DUSP26: variants seen among roughly 807,000 people sequenced by gnomAD.
DUSP26 encodes dual specificity protein phosphatase 26.
DUSP26 carries 12 observed loss-of-function variants against 20.0 expected under a neutral mutation model. The ratio of observed to expected loss-of-function variants is 0.60; its 90% CI spans 0.38 to 0.97. The LOEUF (loss-of-function observed/expected upper bound fraction) is 0.97, where lower values mean the gene tolerates loss of function less well. Ranked by LOEUF, DUSP26 falls within the 50% of genes least tolerant of loss-of-function variation. The pLI, the probability that DUSP26 is intolerant of heterozygous loss-of-function variation, is 0.00. For missense variants in DUSP26, 230 were observed against 294.0 expected, an observed-to-expected ratio of 0.78 and a Z score of 1.59; for synonymous variants, 120 against 118.8, an observed-to-expected ratio of 1.01 and a Z score of -0.06.
At chr8:33,595,483 G>A (rs1811121805) in intron 2 of DUSP26, among the ~76,000 whole-genome samples, 1 of 151,576 alleles carries the variant, frequency 6.6e-6, no homozygotes, top group South Asian at 2.1e-4. Flanking sequence ...CCGGGTTCAA[G>A]CAATTCTCTG....
chr8:33,593,802 C>T, intron 2 of DUSP26, 55 bp from the exon 3 acceptor site: 1 of 1,585,164 alleles, frequency 6.3e-7, no homozygotes, highest in East Asian at 2.3e-5. Flanking sequence ...TTGGGGAAGA[C>T]TCCCTTGTCT....
At chr8:33,595,358 TTTGTTG>T (rs1554536718) in intron 2 of DUSP26, among the ~76,000 whole-genome samples, 2 of 151,048 alleles carry the variant, frequency 1.3e-5, no homozygotes, top group African/African-American at 2.4e-5. Flanking sequence ...TGTGTTTTTT[TTTGTTG>T]TTGTTGTTGT....
intron 1 of DUSP26, among the ~76,000 whole-genome samples, chr8:33,598,589 C>T (rs979702944): frequency 9.2e-5 from 14 of 152,030 alleles, no homozygotes; most frequent in African/African-American, 1.4e-4. Flanking sequence ...AATTACCAAC[C>T]GTATGGCTGT....
chr8:33,597,262 C>T (rs747239034), intron 2 of DUSP26, 33 bp downstream of exon 2: 2 of 1,570,230 alleles, frequency 1.3e-6, no homozygotes, highest in South Asian at 2.3e-5. Context: ...CACACACACG[C>T]TCTACCGTGG....
At chr8:33,596,466 C>T (rs1028872617) in intron 2 of DUSP26, among the ~76,000 whole-genome samples, 1 of 151,846 alleles carries the variant, frequency 6.6e-6, no homozygotes, top group Non-Finnish European at 1.5e-5. Flanking sequence ...CCTGTAGTCC[C>T]AGCTACTCTG....
intron 2 of DUSP26, 26 bp downstream of exon 2, chr8:33,597,269 G>A (rs117959564): frequency 1.1e-5 from 18 of 1,586,100 alleles, no homozygotes; most frequent in East Asian, 9.1e-5. Context: ...ACGCTCTACC[G>A]TGGGCCCAGT....
rs1811175469 is a variant in DUSP26 at position 33,597,440 on chromosome 8, C to T, written c.76G>A (p.Val26Ile). Residue 26 changes from valine (V) to isoleucine (I), a missense_variant, in exon 2 of 4, where the codon GTT (valine) becomes ATT (isoleucine). Val to Ile is a conservative substitution (Grantham distance 29, BLOSUM62 3). Transcript: ENST00000256261. ...RFSRSSSRSPVRTRGTLEEMP... is the reference protein window; with the variant it reads ...RFSRSSSRSPIRTRGTLEEMP... ...TCCTCCAGGGTCCCTCGAGTTCGAA[C>T]AGGAGACCTTGAGCTACTCCGGGAG... The T allele has an allele frequency of 6.2e-7, 1 of 1,614,142 alleles. No individual in the cohort carries two copies. Among genetic ancestry groups the T allele is most frequent in the Non-Finnish European group, 8.5e-7 (1 of 1,180,036 alleles).
rs1045699286 is a variant in DUSP26, at chr8:33,593,693, G to A, written c.276C>T (p.Leu92=). 1.2e-6 allele frequency: 2 copies of A among 1,614,122 alleles called. No homozygotes were observed. Among genetic ancestry groups the A allele is most frequent in the African/African-American group, 1.3e-5 (1 of 74,948 alleles). Residue 92 remains leucine, a synonymous_variant, in exon 3 of 4, where the codon CTC becomes CTT. Coordinates refer to ENST00000256261, the MANE Select transcript of DUSP26 (RefSeq NM_024025.3). ...ELRRLGITHV[L]NASHSRWRGT... is the part of the protein sequence containing the mutation. The stretch of plus-strand genomic sequence containing the variant: ...CTCGCCACCGGCTGTGTGAGGCATT[G>A]AGGACGTGCGTGATGCCCAGGCGGC...
At chr8:33,598,832 C>A (rs1196096200) in intron 1 of DUSP26, among the ~76,000 whole-genome samples, 1 of 152,080 alleles carries the variant, frequency 6.6e-6, no homozygotes, top group African/African-American at 2.4e-5. Context: ...GCAGAATCCC[C>A]TTCCACTCCC....
At position 33,591,998 on chromosome 8, in the gene DUSP26, T is replaced by C; in HGVS notation, c.*15A>G. The C allele has an allele frequency of 6.2e-7, 1 of 1,611,794 alleles. No individual in the cohort carries two copies. The highest frequency in any genetic ancestry group is 8.5e-7 in the Non-Finnish European group (1 of 1,179,872). On this transcript the variant is annotated 3_prime_UTR_variant, in exon 4 of 4. Transcript: ENST00000256261. Reference sequence around the variant, plus strand: ...ACCTACCCACGGGCCTGGCCTGACCTCTCTCCCCCTCCCCTCATGCTTCCA... The same window carrying C: ...ACCTACCCACGGGCCTGGCCTGACCCCTCTCCCCCTCCCCTCATGCTTCCA...
At chr8:33,592,337 G>T in intron 3 of DUSP26, 125 bp from the exon 4 acceptor site, 2 of 887,016 alleles carry the variant, frequency 2.3e-6, no homozygotes. Context: ...TTTGGAGGCC[G>T]AAGGGGGAAG....
rs11989709 is a variant in DUSP26 at position 33,593,612 on chromosome 8, G to A, written c.357C>T (p.His119=). ...TGCTCATGTCAAAGGCTGGCGAGTC[G>A]TGGGCCTCAACACCCAGGTAGCGGA... The part of the protein sequence containing the change: ...LGIRYLGVEA[H]DSPAFDMSIH... The change falls in exon 3 of 4, where the codon CAC becomes CAT. Residue 119 remains histidine, a synonymous_variant. Transcript: ENST00000256261. 6.1e-3 allele frequency: 9,893 copies of A among 1,614,148 alleles called. 362 individuals carry two copies. The African/African-American group carries it at 0.091, about 15-fold the overall frequency.
At chr8:33,598,593 T>A (rs1811204417) in intron 1 of DUSP26, among the ~76,000 whole-genome samples, 1 of 152,102 alleles carries the variant, frequency 6.6e-6, no homozygotes, top group African/African-American at 2.4e-5. Flanking sequence ...ACCAACCGTA[T>A]GGCTGTTGGA....
In DUSP26 at chr8:33,593,721, A is replaced by G. The variant is rs754342170; in HGVS notation, c.248T>C (p.Leu83Pro). ...GACGTGCGTGATGCCCAGGCGGCGAAGCTCCCGGCGGTTGTTAGCCATGTC... is the reference window on the plus strand; with the variant it reads ...GACGTGCGTGATGCCCAGGCGGCGAGGCTCCCGGCGGTTGTTAGCCATGTC... ...DQDMANNRRELRRLGITHVLN... is the reference protein window; with the variant it reads ...DQDMANNRREPRRLGITHVLN... The change falls in exon 3 of 4, where the codon CTT becomes CCT. Residue 83 changes from leucine (L) to proline (P), a missense_variant. Transcript: ENST00000256261. 1 of 1,614,200 alleles carries G rather than the reference A, an allele frequency of 6.2e-7. No individual in the cohort carries two copies. The highest frequency in any genetic ancestry group is 8.5e-7 in the Non-Finnish European group (1 of 1,180,022).
In DUSP26 at chr8:33,591,992, C is replaced by T; in HGVS notation, c.*21G>A. 6.2e-7 allele frequency: 1 copy of T among 1,611,508 alleles called. No homozygotes were observed. Among genetic ancestry groups the T allele is most frequent in the Non-Finnish European group, 8.5e-7 (1 of 1,179,944 alleles). On this transcript the variant is annotated 3_prime_UTR_variant, in exon 4 of 4. Coordinates refer to ENST00000256261, the MANE Select transcript of DUSP26 (RefSeq NM_024025.3). ...CCAGGGACCTACCCACGGGCCTGGC[C>T]TGACCTCTCTCCCCCTCCCCTCATG...
At position 33,592,003 on chromosome 8, in the gene DUSP26, C is replaced by A; in HGVS notation, c.*10G>T. 6.2e-7 allele frequency: 1 copy of A among 1,612,658 alleles called. No individual in the cohort carries two copies. Among genetic ancestry groups the A allele is most frequent in the East Asian group, 2.2e-5 (1 of 44,852 alleles). On this transcript the variant is annotated 3_prime_UTR_variant, in exon 4 of 4. Transcript: ENST00000256261. ...CCCACGGGCCTGGCCTGACCTCTCTCCCCCTCCCCTCATGCTTCCAGACCC... is the reference window on the plus strand; with the variant it reads ...CCCACGGGCCTGGCCTGACCTCTCTACCCCTCCCCTCATGCTTCCAGACCC...
chr8:33,597,297 G>A lies in DUSP26; in HGVS notation c.219C>T (p.Asp73=). ...DEVWPGLYLG[D]QDMANNRREL... ...GGCCCAGTCTGCCCGATACATACTG[G>A]TCTCCGAGATAGAGGCCTGGCCAGA... is the stretch of plus-strand genomic sequence containing the variant. The change falls in exon 2 of 4, where the codon GAC becomes GAT. Residue 73 remains aspartate, a splice_region_variant and synonymous_variant. Coordinates refer to ENST00000256261, the MANE Select transcript of DUSP26 (RefSeq NM_024025.3). The A allele has an allele frequency of 1.9e-6, 3 of 1,610,292 alleles. No individual in the cohort carries two copies. Among genetic ancestry groups the A allele is most frequent in the South Asian group, 1.1e-5 (1 of 90,538 alleles).
intron 1 of DUSP26, among the ~76,000 whole-genome samples, chr8:33,599,337 G>C (rs1302505476): frequency 6.6e-6 from 1 of 152,178 alleles, no homozygotes; most frequent in African/African-American, 2.4e-5. Flanking sequence ...TGTTTTTCCC[G>C]GGGGATGCAG....
chr8:33,597,985 G>A (rs79538391), intron 1 of DUSP26, among the ~76,000 whole-genome samples: 4,225 of 151,936 alleles, frequency 0.028, 197 homozygotes, highest in African/African-American at 0.092. Flanking sequence ...TGGGGCTATC[G>A]GCAGAGAGCC....
Sources: allele counts gnomAD v4.1 joint callset (sites outside exome capture counted in the v4.1 genomes callset), GRCh38; gene constraint gnomAD v4.1.1; transcripts MANE v1.5; gene names NCBI Gene and HGNC (gene_info 2026-07-23, HGNC 2026-07-21).